The following PHACTR1 variants were observed in gnomAD, a reference collection of about 807,000 sequenced individuals.
The protein encoded by PHACTR1 is RPEL repeat containing 1.
In PHACTR1, 16 loss-of-function variants were observed where a neutral mutation model predicts 69.2. That is an observed-to-expected ratio of 0.23 (90% CI 0.16 to 0.35). The LOEUF (loss-of-function observed/expected upper bound fraction) is 0.35. PHACTR1 is among the 10% of genes least tolerant of loss of function. PHACTR1 has a pLI of 1.00. For synonymous variants in PHACTR1, 312 were observed against 284.5 expected (o/e 1.10, Z -0.97); for missense variants, 510 against 734.7 (o/e 0.69, Z 3.54).
chr6:12,928,363 C>T (rs1788499679), intron 4 of PHACTR1, among the ~76,000 whole-genome samples: 1 of 152,194 alleles, frequency 6.6e-6, no homozygotes, highest in South Asian at 2.1e-4. Flanking sequence ...GCACGTTCAA[C>T]GTTCATCCCA....
chr6:13,282,646 T>C (rs1780534178), intron 12 of PHACTR1, among the ~76,000 whole-genome samples: 1 of 152,198 alleles, frequency 6.6e-6, no homozygotes, highest in Non-Finnish European at 1.5e-5. Context: ...CCCCAGAGTT[T>C]GCATACCATT....
chr6:13,261,833 A>G (rs980994452), intron 10 of PHACTR1, among the ~76,000 whole-genome samples: 1 of 152,096 alleles, frequency 6.6e-6, no homozygotes, highest in Non-Finnish European at 1.5e-5. Context: ...TGTCAGTTAG[A>G]CAGACAAAGA....
At chr6:12,925,810 C>A (rs972247491) in intron 4 of PHACTR1, among the ~76,000 whole-genome samples, 7 of 152,052 alleles carry the variant, frequency 4.6e-5, no homozygotes, top group African/African-American at 1.4e-4. Context: ...TCTGCTCCCC[C>A]AAAAGCAGTC....
intron 4 of PHACTR1, among the ~76,000 whole-genome samples, chr6:12,886,837 G>A (rs1333659533): frequency 6.6e-6 from 1 of 150,746 alleles, no homozygotes; most frequent in Non-Finnish European, 1.5e-5. Flanking sequence ...AAGGAATGCA[G>A]TTCCAAAAAA....
intron 4 of PHACTR1, among the ~76,000 whole-genome samples, chr6:12,839,517 C>G (rs1778484394): frequency 6.6e-6 from 1 of 151,986 alleles, no homozygotes; most frequent in Non-Finnish European, 1.5e-5. Context: ...GTAGGCTGGC[C>G]CTTCTAGATA....
At chr6:13,205,673 C>A in intron 7 of PHACTR1, 142 bp from the exon 8 acceptor site, 1 of 736,372 alleles carries the variant, frequency 1.4e-6, no homozygotes, top group South Asian at 1.9e-5. Context: ...TAGCACTCAT[C>A]ACGCTGGTGC....
chr6:13,037,981 A>C (rs1274551097), intron 4 of PHACTR1, among the ~76,000 whole-genome samples: 2 of 152,220 alleles, frequency 1.3e-5, no homozygotes, highest in Non-Finnish European at 2.9e-5. Flanking sequence ...CATCACTGGC[A>C]TTGCCATTAC....
At chr6:13,247,326 CGTGTGTGTGTGTGTGTGT>C (rs60972913) in intron 10 of PHACTR1, among the ~76,000 whole-genome samples, 7 of 138,998 alleles carry the variant, frequency 5.0e-5, no homozygotes, top group Non-Finnish European at 9.2e-5. Context: ...CAAGTTCCCT[CGTGTGTGTGTGTGTGTGT>C]GTGTGTGTGT....
At chr6:13,092,967 T>G (rs999058329) in intron 5 of PHACTR1, among the ~76,000 whole-genome samples, 1 of 152,240 alleles carries the variant, frequency 6.6e-6, no homozygotes, top group Non-Finnish European at 1.5e-5. Context: ...GAGGAGATTA[T>G]GGAATATTGT....
intron 3 of PHACTR1, among the ~76,000 whole-genome samples, chr6:12,733,398 C>T (rs144442271): frequency 6.6e-6 from 1 of 152,276 alleles, no homozygotes; most frequent in African/African-American, 2.4e-5. Context: ...TTATTGCCCC[C>T]AATTTATAAG....
chr6:13,023,852 A>T (rs538693790), intron 4 of PHACTR1, among the ~76,000 whole-genome samples: 112 of 152,224 alleles, frequency 7.4e-4, no homozygotes, highest in Non-Finnish European at 1.4e-3. Flanking sequence ...CGAAGCAGGC[A>T]GATTACTTGA....
In PHACTR1 at chr6:12,980,459, C is replaced by T. The variant is rs527422452; in HGVS notation, c.251-72906C>T. 6.4e-4 allele frequency among the ~76,000 whole-genome samples: 97 copies of T among 152,198 alleles called. 1 individual carries two copies. Among genetic ancestry groups the T allele is most frequent in the African/African-American group, 2.2e-3 (92 of 41,544 alleles). Reference sequence around the variant, plus strand: ...TGTCCCATACAAGTGATATTATATGCTCCCAGAGAGCAAAGTATGTTTTGT... The same window carrying T: ...TGTCCCATACAAGTGATATTATATGTTCCCAGAGAGCAAAGTATGTTTTGT... On this transcript the variant is annotated intron_variant, in intron 4 of 14. Coordinates refer to ENST00000332995, the MANE Select transcript of PHACTR1 (RefSeq NM_030948.6).
intron 4 of PHACTR1, among the ~76,000 whole-genome samples, chr6:12,936,830 C>T (rs1789503448): frequency 6.6e-6 from 1 of 152,122 alleles, no homozygotes; most frequent in African/African-American, 2.4e-5. Context: ...TTGAGTAACC[C>T]AAAACAGAAC....
chr6:12,913,110 AACC>A (rs1251758414), intron 4 of PHACTR1, among the ~76,000 whole-genome samples: 2 of 152,262 alleles, frequency 1.3e-5, no homozygotes, highest in African/African-American at 4.8e-5. Context: ...CCTACAGAAA[AACC>A]CAAGGTAGAC....
chr6:12,984,781 TAAGGAA>T (rs1795936853), intron 4 of PHACTR1, among the ~76,000 whole-genome samples: 1 of 151,684 alleles, frequency 6.6e-6, no homozygotes, highest in Non-Finnish European at 1.5e-5. Context: ...GTTTGTTTCA[TAAGGAA>T]AAAGCAAACC....
chr6:12,968,959 A>G lies in PHACTR1; in HGVS notation c.251-84406A>G, dbSNP rs568327259. On this transcript the variant is annotated intron_variant, in intron 4 of 14. Transcript: ENST00000332995. ...TCTCCCGGGGATTCTGTTAATCCAC[A>G]GATTCTGACTCAGCAGGTCTGAAGT... Among the ~76,000 whole-genome samples the G allele has an allele frequency of 6.7e-5, 10 of 148,252 alleles. No homozygotes were observed. The South Asian group carries it at 2.2e-3, about 33-fold the overall frequency.
At chr6:12,756,662 A>G (rs893350154) in intron 4 of PHACTR1, among the ~76,000 whole-genome samples, 1 of 152,218 alleles carries the variant, frequency 6.6e-6, no homozygotes, top group Admixed American at 6.5e-5. Flanking sequence ...TATACATTAA[A>G]CTAGCAATTC....
intron 12 of PHACTR1, among the ~76,000 whole-genome samples, chr6:13,282,641 G>A (rs1462124535): frequency 6.6e-6 from 1 of 152,090 alleles, no homozygotes; most frequent in Non-Finnish European, 1.5e-5. Context: ...GCATACCCCA[G>A]AGTTTGCATA....
chr6:12,998,620 A>AG lies in PHACTR1; in HGVS notation c.251-54745_251-54744insG, dbSNP rs35233352. Among the ~76,000 whole-genome samples, 3 of 151,858 alleles carry AG rather than the reference A, an allele frequency of 2.0e-5. No individual in the cohort carries two copies. In the East Asian group the frequency reaches 5.8e-4, roughly 29 times the overall value. The stretch of plus-strand genomic sequence containing the variant: ...GACACAGCAAGACCTGGTCAAAAAA[A>AG]AAAAAAAGAAAAGAAAAAGTAAAAG... On this transcript the variant is annotated intron_variant, in intron 4 of 14. Transcript: ENST00000332995.
Sources: gnomAD v4.1 joint callset for allele counts (sites outside exome capture counted in the v4.1 genomes callset) on GRCh38, gnomAD v4.1.1 for gene constraint, MANE v1.5 for transcripts, NCBI Gene and HGNC (gene_info 2026-07-23, HGNC 2026-07-21) for gene names.